The following FARS2 variants were observed in gnomAD, a reference collection of about 807,000 sequenced individuals.
FARS2 encodes the protein phenylalanine--tRNA ligase, mitochondrial.
Under a neutral mutation model 46.4 loss-of-function variants are expected in FARS2, and 40 were observed. The ratio of observed to expected loss-of-function variants is 0.86; its 90% CI spans 0.67 to 1.12. The LOEUF (loss-of-function observed/expected upper bound fraction) is 1.12, where lower values mean the gene tolerates loss of function less well. Among genes scored for constraint, FARS2 ranks in the 50% most tolerant of loss-of-function variants. FARS2 has a pLI of 0.00. For missense variants in FARS2, 513 were observed against 567.9 expected, an observed-to-expected ratio of 0.90 and a Z score of 0.98; for synonymous variants, 234 against 214.9, an observed-to-expected ratio of 1.09 and a Z score of -0.78.
chr6:5,722,067 T>C (rs1427743087), intron 6 of FARS2, among the ~76,000 whole-genome samples: 1 of 152,218 alleles, frequency 6.6e-6, no homozygotes, highest in African/African-American at 2.4e-5. Flanking sequence ...TTTCCAGCTT[T>C]AATGGATGAA....
chr6:5,743,509 G>A (rs1323449760), intron 6 of FARS2, among the ~76,000 whole-genome samples: 2 of 152,238 alleles, frequency 1.3e-5, no homozygotes, highest in Non-Finnish European at 1.5e-5. Context: ...AGAACAGCTT[G>A]AATATTAGAA....
intron 6 of FARS2, among the ~76,000 whole-genome samples, chr6:5,717,957 C>T (rs899899031): frequency 3.2e-5 from 2 of 62,654 alleles, no homozygotes; most frequent in Non-Finnish European, 8.0e-5. Context: ...CTCTGTCGCC[C>T]AGGCTGGAGT....
chr6:5,675,953 G>A (rs375626607), intron 6 of FARS2, among the ~76,000 whole-genome samples: 2 of 152,160 alleles, frequency 1.3e-5, no homozygotes, highest in South Asian at 2.1e-4. Flanking sequence ...AACCCAAGGT[G>A]AAAATCATTC....
Position 5,728,926 on chromosome 6 carries a change from G to A in FARS2, c.1218-42365G>A, listed in dbSNP as rs141927862. On this transcript the variant is annotated intron_variant, in intron 6 of 6. Transcript: ENST00000274680. ...ACTGTCCCTTCACTGACTTTTGAAG[G>A]TGGTAGACGGGGAGAGATATTCCTT... is the stretch of plus-strand genomic sequence containing the variant. Among the ~76,000 whole-genome samples the A allele has an allele frequency of 2.6e-5, 4 of 152,296 alleles. No individual in the cohort carries two copies. In the East Asian group the frequency reaches 7.8e-4, roughly 30 times the overall value.
At chr6:5,447,061 T>C (rs2150254420) in intron 4 of FARS2, among the ~76,000 whole-genome samples, 1 of 152,306 alleles carries the variant, frequency 6.6e-6, no homozygotes, top group South Asian at 2.1e-4. Context: ...ATCCTTCTGG[T>C]AGTAGTGAGG....
intron 4 of FARS2, among the ~76,000 whole-genome samples, chr6:5,433,437 C>T (rs976597427): frequency 1.3e-5 from 2 of 152,286 alleles, no homozygotes; most frequent in African/African-American, 4.8e-5. Context: ...AGAAGTTGTT[C>T]CTGCCTGTGA....
intron 6 of FARS2, among the ~76,000 whole-genome samples, chr6:5,694,002 G>C (rs1243617446): frequency 2.0e-5 from 3 of 152,202 alleles, no homozygotes; most frequent in African/African-American, 7.2e-5. Flanking sequence ...TTCAAGGCAA[G>C]AGGTCATAGC....
Position 5,394,406 on chromosome 6 carries a change from T to A in FARS2, c.613-10136T>A, listed in dbSNP as rs1760767400. Among the ~76,000 whole-genome samples the A allele has an allele frequency of 2.6e-5, 4 of 152,308 alleles. 2 individuals are homozygous for A. In the South Asian group the frequency reaches 8.3e-4, roughly 32 times the overall value. On this transcript the variant is annotated intron_variant, in intron 2 of 6. Transcript: ENST00000274680. ...TAGACTAGGCACAATAGGCTATACTTCATAGCCTAGGTGTGCATAGTGGGC... is the reference window on the plus strand; with the variant it reads ...TAGACTAGGCACAATAGGCTATACTACATAGCCTAGGTGTGCATAGTGGGC...
chr6:5,352,330 A>C (rs957076069), intron 1 of FARS2, among the ~76,000 whole-genome samples: 4 of 152,000 alleles, frequency 2.6e-5, no homozygotes, highest in Non-Finnish European at 5.9e-5. Context: ...TTAAAAAAAA[A>C]AAAGCTTCCC....
rs1763050646 is a variant in FARS2 at position 5,771,556 on chromosome 6, G to C, written c.*127G>C. 1 of 991,022 alleles carries C rather than the reference G, an allele frequency of 1.0e-6. No individual in the cohort carries two copies. The highest frequency in any genetic ancestry group is 1.5e-6 in the Non-Finnish European group (1 of 684,882). 61.4% of individuals were successfully genotyped at this position (991,022 alleles called of 1,614,324 possible). A position where few individuals can be genotyped will look rare whatever the true frequency, so the allele number is the denominator to read the frequency against. ...AAATGGATCAGTTTTAGGACTTTCA[G>C]AAAATAAAAGATCGCTCTTGAAAAG... On this transcript the variant is annotated 3_prime_UTR_variant, in exon 7 of 7. Transcript: ENST00000274680.
At chr6:5,667,267 C>A (rs1041325588) in intron 6 of FARS2, among the ~76,000 whole-genome samples, 2 of 152,072 alleles carry the variant, frequency 1.3e-5, no homozygotes, top group African/African-American at 2.4e-5. Context: ...CGCCTGTAAT[C>A]CCAGCCCTTT....
At chr6:5,660,432 G>A (rs1777796200) in intron 6 of FARS2, among the ~76,000 whole-genome samples, 1 of 152,040 alleles carries the variant, frequency 6.6e-6, no homozygotes, top group Non-Finnish European at 1.5e-5. Context: ...GATAACTTGG[G>A]CCCAGGAATT....
At chr6:5,546,138 G>T (rs1770970514) in intron 5 of FARS2, among the ~76,000 whole-genome samples, 5 of 151,422 alleles carry the variant, frequency 3.3e-5, no homozygotes, top group Admixed American at 3.3e-4. Context: ...CAAAAAAAAA[G>T]AAGTTCCTAA....
intron 1 of FARS2, among the ~76,000 whole-genome samples, chr6:5,362,927 C>CTTTT (rs55686418): frequency 6.6e-4 from 82 of 124,178 alleles, no homozygotes; most frequent in African/African-American, 7.5e-4. Flanking sequence ...TTCTTTCTTT[C>CTTTT]TTTTTTTTTT....
At chr6:5,759,383 T>A (rs1762373817) in intron 6 of FARS2, among the ~76,000 whole-genome samples, 1 of 152,232 alleles carries the variant, frequency 6.6e-6, no homozygotes, top group Admixed American at 6.5e-5. Context: ...TTTGTAATTC[T>A]TTAACTAATG....
At chr6:5,448,178 A>G (rs997024289) in intron 4 of FARS2, among the ~76,000 whole-genome samples, 4 of 152,234 alleles carry the variant, frequency 2.6e-5, no homozygotes, top group African/African-American at 9.6e-5. Flanking sequence ...TTTATACACA[A>G]AGCTAAAGGA....
At position 5,556,708 on chromosome 6, in the gene FARS2, T is replaced by G. The variant is rs1215940503; in HGVS notation, c.1065+11368T>G. Among the ~76,000 whole-genome samples, 4 of 152,126 alleles carry G rather than the reference T, an allele frequency of 2.6e-5. No homozygotes were observed. In the East Asian group the frequency reaches 7.7e-4, roughly 29 times the overall value. On this transcript the variant is annotated intron_variant, in intron 5 of 6. Transcript: ENST00000274680. ...GAAAGAAAGAAAGAAAGAGAAAAAA[T>G]GAACGATCTAGGTCCTCAGCATTTT...
At chr6:5,413,778 G>A (rs1762070853) in intron 3 of FARS2, among the ~76,000 whole-genome samples, 1 of 152,262 alleles carries the variant, frequency 6.6e-6, no homozygotes, top group Admixed American at 6.5e-5. Flanking sequence ...GGTCAAGGTT[G>A]GTGGCTCTCT....
At chr6:5,579,283 T>C (rs1311869268) in intron 5 of FARS2, among the ~76,000 whole-genome samples, 1 of 152,094 alleles carries the variant, frequency 6.6e-6, no homozygotes, top group African/African-American at 2.4e-5. Flanking sequence ...TTTTTTTAGA[T>C]GGAGTATTGC....
Sources: gnomAD v4.1 joint callset for allele counts (sites outside exome capture counted in the v4.1 genomes callset) on GRCh38, gnomAD v4.1.1 for gene constraint, MANE v1.5 for transcripts, NCBI Gene and HGNC (gene_info 2026-07-23, HGNC 2026-07-21) for gene names.